Variants in GAS2 observed in about 807,000 individuals in gnomAD.
GAS2 encodes the protein growth arrest-specific protein 2.
Under a neutral mutation model 37.5 loss-of-function variants are expected in GAS2, and 20 were observed. That is an observed-to-expected ratio of 0.53 (90% CI 0.37 to 0.77). The LOEUF is 0.77. GAS2 is among the 30% of genes least tolerant of loss of function. The pLI, the probability that GAS2 is intolerant of heterozygous loss-of-function variation, is 0.00. For synonymous variants in GAS2, 144 were observed against 132.2 expected, an observed-to-expected ratio of 1.09 and a Z score of -0.61; for missense variants, 336 against 373.4, an observed-to-expected ratio of 0.90 and a Z score of 0.82.
intron 2 of GAS2, among the ~76,000 whole-genome samples, chr11:22,679,340 T>C (rs1340472731): frequency 1.1e-4 from 17 of 152,112 alleles, no homozygotes; most frequent in Admixed American, 1.1e-3. Context: ...TTTAGATCTT[T>C]TGTTATTTTT....
rs956379152 is a variant in GAS2, at chr11:22,686,607, T to C, written c.267+818T>C. Among the ~76,000 whole-genome samples the C allele has an allele frequency of 3.2e-5, 4 of 123,810 alleles. 1 individual carries two copies. Among genetic ancestry groups the C allele is most frequent in the Admixed American group, 2.8e-4 (3 of 10,568 alleles). The allele number at this position is 123,810 out of a possible 152,430, so 81.2% of individuals were successfully genotyped here. A position where few individuals can be genotyped will look rare whatever the true frequency, so the allele number is the denominator to read the frequency against. ...AAAAAAAAAAAAAAAAAAAATAGCC[T>C]GGCATCATGACACATGTCTATAATC... is the stretch of plus-strand genomic sequence containing the variant. On this transcript the variant is annotated intron_variant, in intron 3 of 7. Transcript: ENST00000454584.
intron 1 of GAS2, among the ~76,000 whole-genome samples, chr11:22,673,427 A>G (rs189531299): frequency 1.8e-4 from 28 of 152,326 alleles, no homozygotes; most frequent in African/African-American, 6.5e-4. Context: ...TATCATATAA[A>G]CATTACCTCT....
intron 7 of GAS2, among the ~76,000 whole-genome samples, chr11:22,804,114 C>T (rs911038784): frequency 6.6e-6 from 1 of 151,966 alleles, no homozygotes; most frequent in African/African-American, 2.4e-5. Context: ...TTTTGAACAT[C>T]AGGGAAGAAG....
chr11:22,740,099 C>A (rs1227277490), intron 5 of GAS2, among the ~76,000 whole-genome samples: 1 of 152,162 alleles, frequency 6.6e-6, no homozygotes, highest in African/African-American at 2.4e-5. Context: ...CACCTTTCCT[C>A]CAGCTCCGAG....
At chr11:22,635,225 G>C (rs867882821) in intron 1 of GAS2, among the ~76,000 whole-genome samples, 1 of 151,750 alleles carries the variant, frequency 6.6e-6, no homozygotes, top group Non-Finnish European at 1.5e-5. Context: ...TGCAAAGCCA[G>C]GTGGTGGCTG....
intron 7 of GAS2, among the ~76,000 whole-genome samples, chr11:22,808,424 G>A (rs1856996154): frequency 6.6e-6 from 1 of 152,162 alleles, no homozygotes; most frequent in South Asian, 2.1e-4. Context: ...GAGGAAGTGA[G>A]CAGAAATTTA....
intron 1 of GAS2, among the ~76,000 whole-genome samples, chr11:22,652,500 G>A (rs1011255622): frequency 6.6e-6 from 1 of 152,240 alleles, no homozygotes; most frequent in African/African-American, 2.4e-5. Flanking sequence ...CTGGGCAATG[G>A]CGGGCGCCCC....
At chr11:22,806,190 T>C (rs1856874743) in intron 7 of GAS2, among the ~76,000 whole-genome samples, 1 of 152,122 alleles carries the variant, frequency 6.6e-6, no homozygotes, top group African/African-American at 2.4e-5. Context: ...GACAAAATCA[T>C]ATGGTATTTT....
Position 22,685,780 on chromosome 11 carries a change from G to C in GAS2, c.258G>C (p.Lys86Asn), listed in dbSNP as rs1233716703. 1 of 1,612,044 alleles carries C rather than the reference G, an allele frequency of 6.2e-7. No homozygotes were observed. The highest frequency in any genetic ancestry group is 1.7e-4 in the Middle Eastern group (1 of 6,052). ...TCAAGGAGAGCATGGATGCTAACAAGCCCACAAAGGTAAAAGATCCCAATG... is the reference window on the plus strand; with the variant it reads ...TCAAGGAGAGCATGGATGCTAACAACCCCACAAAGGTAAAAGATCCCAATG... Reference protein sequence around the residue: ...EKFKESMDANKPTKNLPLKKI... With the variant: ...EKFKESMDANNPTKNLPLKKI... The change falls in exon 3 of 8, where the codon AAG becomes AAC. Residue 86 changes from lysine (K) to asparagine (N), a missense_variant. By Grantham distance (94) the Lys-to-Asn change is moderately conservative. Coordinates refer to ENST00000454584, the MANE Select transcript of GAS2 (RefSeq NM_001143830.3).
At chr11:22,784,458 G>A (rs1855730359) in intron 7 of GAS2, among the ~76,000 whole-genome samples, 1 of 152,086 alleles carries the variant, frequency 6.6e-6, no homozygotes, top group Non-Finnish European at 1.5e-5. Context: ...GCTACACATA[G>A]TATTGGTTGG....
chr11:22,726,448 C>A lies in GAS2; in HGVS notation c.409+15C>A. On this transcript the variant is annotated intron_variant, in intron 4 of 7. Transcript: ENST00000454584. The stretch of plus-strand genomic sequence containing the variant: ...GGAAGGTTTGGGTATGTATTAACTT[C>A]AGAATTTTAGTTGATAAGATACGCA... The A allele has an allele frequency of 1.9e-6, 3 of 1,601,550 alleles. No homozygotes were observed. The highest frequency in any genetic ancestry group is 1.7e-6 in the Non-Finnish European group (2 of 1,174,198).
chr11:22,776,186 A>T (rs1855245884), intron 7 of GAS2, among the ~76,000 whole-genome samples: 1 of 152,180 alleles, frequency 6.6e-6, no homozygotes, highest in African/African-American at 2.4e-5. Flanking sequence ...TCAGGTTTTT[A>T]TGTTCTGGGA....
intron 3 of GAS2, among the ~76,000 whole-genome samples, chr11:22,705,409 G>C (rs1345757217): frequency 1.3e-5 from 2 of 152,078 alleles, no homozygotes; most frequent in South Asian, 2.1e-4. Context: ...CCTATATAAA[G>C]TGCCTTTCAA....
intron 7 of GAS2, among the ~76,000 whole-genome samples, chr11:22,796,055 A>G (rs1856416251): frequency 6.6e-6 from 1 of 152,098 alleles, no homozygotes; most frequent in Non-Finnish European, 1.5e-5. Context: ...TATTTGCTTT[A>G]TCATATATTT....
rs74977868 is a variant in GAS2 at position 22,719,343 on chromosome 11, A to G, written c.268-6949A>G. Among the ~76,000 whole-genome samples, 310 of 152,194 alleles carry G rather than the reference A, an allele frequency of 2.0e-3. 9 individuals are homozygous for G. The East Asian group carries it at 0.05, about 24-fold the overall frequency. ...CAACCCCTTTCTCCTACCCCTGGCA[A>G]TCACCGTTCTAGTCCCTGACTTTAT... On this transcript the variant is annotated intron_variant, in intron 3 of 7. Coordinates refer to ENST00000454584, the MANE Select transcript of GAS2 (RefSeq NM_001143830.3).
rs1853694893 is a variant in GAS2, at chr11:22,750,977, A to T, written c.615+1716A>T. Among the ~76,000 whole-genome samples, 4 of 151,944 alleles carry T rather than the reference A, an allele frequency of 2.6e-5. No individual in the cohort carries two copies. In the South Asian group the frequency reaches 8.3e-4, roughly 31 times the overall value. ...GAATTTTTTTAGTCCGGAAATTATGAGATTGCTTCCTGGTATTTGACACTG... is the reference window on the plus strand; with the variant it reads ...GAATTTTTTTAGTCCGGAAATTATGTGATTGCTTCCTGGTATTTGACACTG... On this transcript the variant is annotated intron_variant, in intron 6 of 7. Transcript: ENST00000454584.
chr11:22,641,252 A>G (rs1404343725), intron 1 of GAS2, among the ~76,000 whole-genome samples: 2 of 144,414 alleles, frequency 1.4e-5, no homozygotes, highest in Non-Finnish European at 3.0e-5. Context: ...GTATATATAT[A>G]TATCTTTATA....
chr11:22,810,019 T>C (rs1184239094), intron 7 of GAS2, among the ~76,000 whole-genome samples: 1 of 152,210 alleles, frequency 6.6e-6, no homozygotes, highest in African/African-American at 2.4e-5. Flanking sequence ...CTTTTGTTAC[T>C]GAAATGTCAG....
rs1243907857 is a variant in GAS2, at chr11:22,674,649, C to G, written c.-20-201C>G. On this transcript the variant is annotated intron_variant, in intron 1 of 7. Transcript: ENST00000454584. ...TGATTTTCTATTTGACCTTTGATTGCTGCTGTTTTCCTACTAAGTGTTTGG... is the reference window on the plus strand; with the variant it reads ...TGATTTTCTATTTGACCTTTGATTGGTGCTGTTTTCCTACTAAGTGTTTGG... The G allele has an allele frequency of 1.1e-4, 37 of 348,658 alleles. No homozygotes were observed. In the Admixed American group the frequency reaches 1.7e-3, roughly 16 times the overall value. The allele number at this position is 348,658 out of a possible 1,614,324, so 21.6% of individuals were successfully genotyped here.
Sources: allele counts gnomAD v4.1 joint callset (sites outside exome capture counted in the v4.1 genomes callset), GRCh38; gene constraint gnomAD v4.1.1; transcripts MANE v1.5; gene names NCBI Gene and HGNC (gene_info 2026-07-23, HGNC 2026-07-21).